BNC2: variants seen among roughly 807,000 people sequenced by gnomAD.
BNC2 encodes the protein zinc finger protein basonuclin-2.
In BNC2, 20 loss-of-function variants were observed where a neutral mutation model predicts 76.3. That is an observed-to-expected ratio of 0.26 (90% confidence interval 0.18 to 0.38). BNC2 has a LOEUF of 0.38. Ranked by LOEUF, BNC2 falls within the 10% of genes least tolerant of loss-of-function variation. BNC2 has a pLI of 1.00. For synonymous variants in BNC2, 582 were observed against 514.8 expected (o/e 1.13, Z -1.77); for missense variants, 1,382 against 1,399.8 (o/e 0.99, Z 0.20).
chr9:16,588,040 T>C (rs1819821869), intron 3 of BNC2, among the ~76,000 whole-genome samples: 1 of 152,220 alleles, frequency 6.6e-6, no homozygotes, highest in Non-Finnish European at 1.5e-5. Flanking sequence ...GCTTTCAATG[T>C]ATAGTGGCAA....
At chr9:16,772,356 T>C (rs926262415) in intron 1 of BNC2, among the ~76,000 whole-genome samples, 2 of 152,178 alleles carry the variant, frequency 1.3e-5, no homozygotes, top group Non-Finnish European at 2.9e-5. Flanking sequence ...TAATATGCCA[T>C]TGTTCCCACT....
intron 5 of BNC2, among the ~76,000 whole-genome samples, chr9:16,462,798 T>A (rs1387136208): frequency 6.6e-6 from 1 of 152,174 alleles, no homozygotes; most frequent in Non-Finnish European, 1.5e-5. Flanking sequence ...TGCCCCTCCC[T>A]CTTTCTGTTC....
chr9:16,482,150 C>T (rs1368656022), intron 5 of BNC2, among the ~76,000 whole-genome samples: 2 of 152,130 alleles, frequency 1.3e-5, no homozygotes, highest in Admixed American at 1.3e-4. Flanking sequence ...CTAATGTTCA[C>T]TGATACCACA....
intron 3 of BNC2, among the ~76,000 whole-genome samples, chr9:16,595,701 T>A (rs1587214827): frequency 1.3e-5 from 2 of 152,050 alleles, no homozygotes; most frequent in Admixed American, 1.3e-4. Flanking sequence ...TGAAAAAAAA[T>A]TATTCTCTTT....
chr9:16,826,034 T>C (rs1479421601), intron 1 of BNC2, among the ~76,000 whole-genome samples: 3 of 152,166 alleles, frequency 2.0e-5, no homozygotes. Context: ...TTAAGGCTGA[T>C]GACGAGGGAC....
intron 1 of BNC2, among the ~76,000 whole-genome samples, chr9:16,826,346 G>C (rs1586915217): frequency 1.3e-5 from 2 of 151,568 alleles, no homozygotes; most frequent in South Asian, 4.2e-4. Flanking sequence ...GGTTTTAAAA[G>C]CATCTTCAGC....
At chr9:16,425,750 C>T (rs1020274523) in intron 6 of BNC2, among the ~76,000 whole-genome samples, 1 of 152,152 alleles carries the variant, frequency 6.6e-6, no homozygotes. Flanking sequence ...CAGAGGCAAA[C>T]ATGTCTTTCG....
In BNC2 at chr9:16,413,004, G is replaced by C. The variant is rs1023108776; in HGVS notation, c.*5985C>G. The C allele has an allele frequency of 6.5e-6, 1 of 152,784 alleles. No homozygotes were observed. The highest frequency in any genetic ancestry group is 2.4e-5 in the African/African-American group (1 of 41,576). 9.5% of individuals were successfully genotyped at this position (152,784 alleles called of 1,614,324 possible). On this transcript the variant is annotated 3_prime_UTR_variant, in exon 7 of 7. Transcript: ENST00000380672. ...GGTGTTGTCTGCTGTTAGTGTGACA[G>C]TCTTGTCAGCAGCGTTCACATTACT...
intron 3 of BNC2, among the ~76,000 whole-genome samples, chr9:16,663,128 C>CTTTTTTTTTT (rs1220327938): frequency 1.2e-4 from 6 of 51,686 alleles, no homozygotes; most frequent in African/African-American, 4.1e-4. Flanking sequence ...ACTCTGTTTA[C>CTTTTTTTTTT]TCTTTTTTTT....
intron 2 of BNC2, chr9:16,728,234 G>A (rs866206698): frequency 6.9e-5 from 40 of 583,434 alleles, no homozygotes; most frequent in African/African-American, 5.0e-4. Context: ...GTGTGCAGGC[G>A]GCACTGGAGA....
intron 3 of BNC2, 60 bp downstream of exon 3, chr9:16,727,737 A>C: frequency 1.4e-6 from 2 of 1,438,564 alleles, no homozygotes; most frequent in East Asian, 2.3e-5. Flanking sequence ...AAAAGTGCCC[A>C]TAACAATTCA....
intron 4 of BNC2, among the ~76,000 whole-genome samples, chr9:16,570,106 T>C (rs1045675937): frequency 2.6e-5 from 4 of 152,158 alleles, no homozygotes; most frequent in African/African-American, 9.7e-5. Context: ...TTAATTTTCT[T>C]AAAGGAACAT....
chr9:16,784,109 G>C (rs972310535), intron 1 of BNC2, among the ~76,000 whole-genome samples: 2 of 152,126 alleles, frequency 1.3e-5, no homozygotes, highest in African/African-American at 4.8e-5. Context: ...ACATGAATAA[G>C]AAACAAACAT....
At chr9:16,647,060 A>T (rs753257757) in intron 3 of BNC2, among the ~76,000 whole-genome samples, 1 of 152,278 alleles carries the variant, frequency 6.6e-6, no homozygotes, top group South Asian at 2.1e-4. Context: ...GAGGAGAATG[A>T]TGGTTGATTT....
chr9:16,818,269 T>C (rs1485374298), intron 1 of BNC2, among the ~76,000 whole-genome samples: 1 of 151,972 alleles, frequency 6.6e-6, no homozygotes, highest in East Asian at 1.9e-4. Flanking sequence ...CCGGGCGAGT[T>C]GGCGGGCGCC....
At chr9:16,636,311 T>C (rs966491799) in intron 3 of BNC2, among the ~76,000 whole-genome samples, 2 of 150,580 alleles carry the variant, frequency 1.3e-5, no homozygotes, top group African/African-American at 4.9e-5. Context: ...AAGACTTTCT[T>C]TTTTTTTTGG....
chr9:16,493,967 C>T (rs1233878756), intron 5 of BNC2, among the ~76,000 whole-genome samples: 1 of 151,986 alleles, frequency 6.6e-6, no homozygotes, highest in African/African-American at 2.4e-5. Context: ...CAGGCAGGGG[C>T]CAAGTTCATT....
intron 3 of BNC2, among the ~76,000 whole-genome samples, chr9:16,673,311 G>C (rs944223208): frequency 6.6e-6 from 1 of 152,000 alleles, no homozygotes; most frequent in African/African-American, 2.4e-5. Context: ...ACAGCAGGTA[G>C]CTCTTATAAT....
chr9:16,702,740 A>G (rs1287835451), intron 3 of BNC2, among the ~76,000 whole-genome samples: 1 of 152,226 alleles, frequency 6.6e-6, no homozygotes, highest in African/African-American at 2.4e-5. Context: ...AGGTTTATTA[A>G]GTATCTACTA....
Sources: gnomAD v4.1 joint callset for allele counts (sites outside exome capture counted in the v4.1 genomes callset) on GRCh38, gnomAD v4.1.1 for gene constraint, MANE v1.5 for transcripts, NCBI Gene and HGNC (gene_info 2026-07-23, HGNC 2026-07-21) for gene names.